The following RBFOX1 variants were observed in gnomAD, a reference collection of about 807,000 sequenced individuals.
RBFOX1 encodes the protein RNA binding protein fox-1 homolog 1.
RBFOX1 carries 8 observed loss-of-function variants against 57.7 expected under a neutral mutation model. The ratio of observed to expected loss-of-function variants is 0.14; its 90% CI spans 0.08 to 0.25. The LOEUF is 0.25. Ranked by LOEUF, RBFOX1 falls within the 10% of genes least tolerant of loss-of-function variation. The pLI is 1.00. For missense variants in RBFOX1, 611 were observed against 548.5 expected, an observed-to-expected ratio of 1.11 and a Z score of -1.14; for synonymous variants, 326 against 222.4, an observed-to-expected ratio of 1.47 and a Z score of -4.15.
chr16:7,132,427 TACACAG>T (rs1461804808), intron 4 of RBFOX1, among the ~76,000 whole-genome samples: 3 of 128,288 alleles, frequency 2.3e-5, no homozygotes, highest in Non-Finnish European at 4.8e-5. Context: ...GAAATTGTGA[TACACAG>T]ACACACACAC....
At chr16:5,258,983 C>T (rs1274352824) in intron 1 of RBFOX1, among the ~76,000 whole-genome samples, 1 of 151,902 alleles carries the variant, frequency 6.6e-6, no homozygotes, top group African/African-American at 2.4e-5. Flanking sequence ...CTGGCCCCTG[C>T]TCCTTAATGT....
chr16:6,738,843 A>G (rs1463739703), intron 3 of RBFOX1, among the ~76,000 whole-genome samples: 2 of 152,198 alleles, frequency 1.3e-5, no homozygotes, highest in South Asian at 2.1e-4. Context: ...ACAGGAAAAA[A>G]TCCCAAACAC....
chr16:5,477,396 A>G (rs949894087), intron 2 of RBFOX1, among the ~76,000 whole-genome samples: 1 of 152,186 alleles, frequency 6.6e-6, no homozygotes, highest in Non-Finnish European at 1.5e-5. Flanking sequence ...CTCACGACCA[A>G]TCAAATACCC....
intron 3 of RBFOX1, among the ~76,000 whole-genome samples, chr16:5,799,250 C>T (rs945887225): frequency 6.6e-6 from 1 of 152,032 alleles, no homozygotes; most frequent in Non-Finnish European, 1.5e-5. Flanking sequence ...GGGGAAACTG[C>T]CCCCATGACT....
chr16:5,322,851 C>A (rs1193032160), intron 1 of RBFOX1, among the ~76,000 whole-genome samples: 1 of 152,216 alleles, frequency 6.6e-6, no homozygotes, highest in Non-Finnish European at 1.5e-5. Context: ...CTTAGCAGAG[C>A]AGTAATCACT....
At chr16:7,151,453 C>T (rs907949917) in intron 4 of RBFOX1, among the ~76,000 whole-genome samples, 4 of 152,100 alleles carry the variant, frequency 2.6e-5, no homozygotes, top group African/African-American at 2.4e-5. Context: ...GTTCGTCATC[C>T]TTCAACTCCC....
chr16:5,717,046 G>C (rs17433511), intron 3 of RBFOX1, among the ~76,000 whole-genome samples: 82,106 of 151,588 alleles, frequency 0.54, 25,769 homozygotes, highest in Non-Finnish European at 0.72. Flanking sequence ...GATTTCCCCT[G>C]TATTTTCCTG....
chr16:7,210,163 T>C (rs928655087), intron 4 of RBFOX1, among the ~76,000 whole-genome samples: 2 of 152,174 alleles, frequency 1.3e-5, no homozygotes, highest in African/African-American at 4.8e-5. Context: ...ATGATGACAA[T>C]GATTTTATCA....
chr16:7,185,089 A>G (rs766013403), intron 4 of RBFOX1, among the ~76,000 whole-genome samples: 2 of 152,178 alleles, frequency 1.3e-5, no homozygotes, highest in Non-Finnish European at 2.9e-5. Context: ...TCCATACAAT[A>G]TATCTATTTA....
intron 4 of RBFOX1, among the ~76,000 whole-genome samples, chr16:7,055,612 TC>T (rs1222743076): frequency 1.3e-5 from 2 of 152,140 alleles, no homozygotes; most frequent in Non-Finnish European, 2.9e-5. Flanking sequence ...GTCACTGCAG[TC>T]GTTTTCTTAG....
intron 3 of RBFOX1, among the ~76,000 whole-genome samples, chr16:5,620,418 G>C (rs982618150): frequency 1.3e-5 from 2 of 152,116 alleles, no homozygotes; most frequent in African/African-American, 4.8e-5. Context: ...TGCGTTGGTT[G>C]GCTGGGGCTG....
At chr16:7,687,781 C>G (rs2076379446) in intron 14 of RBFOX1, among the ~76,000 whole-genome samples, 1 of 151,948 alleles carries the variant, frequency 6.6e-6, no homozygotes. Flanking sequence ...AAAATCAACA[C>G]TAGTGCAATT....
At chr16:5,804,288 C>T (rs139982883) in intron 3 of RBFOX1, among the ~76,000 whole-genome samples, 143 of 152,218 alleles carry the variant, frequency 9.4e-4, no homozygotes, top group African/African-American at 3.0e-3. Flanking sequence ...TTCATACATT[C>T]ATATGTGAAT....
chr16:5,648,851 G>A (rs144639921), intron 3 of RBFOX1, among the ~76,000 whole-genome samples: 4 of 152,074 alleles, frequency 2.6e-5, no homozygotes, highest in East Asian at 3.9e-4. Flanking sequence ...ATCACTTGAG[G>A]TCAGGAGTTT....
intron 1 of RBFOX1, among the ~76,000 whole-genome samples, chr16:6,107,880 C>T (rs2096401404): frequency 6.6e-6 from 1 of 152,104 alleles, no homozygotes; most frequent in Non-Finnish European, 1.5e-5. Context: ...ATTTATGCTT[C>T]CACCAGTTTC....
intron 2 of RBFOX1, among the ~76,000 whole-genome samples, chr16:6,486,109 G>A (rs3095263): frequency 0.38 from 25,344 of 65,858 alleles, 3,364 homozygotes; most frequent in Non-Finnish European, 0.44. Context: ...TTTTTTTTTG[G>A]CATTGATTGC....
chr16:6,697,910 A>G (rs1275865597), intron 3 of RBFOX1, among the ~76,000 whole-genome samples: 1 of 152,198 alleles, frequency 6.6e-6, no homozygotes, highest in Non-Finnish European at 1.5e-5. Flanking sequence ...CCAGAAGACC[A>G]AAAGTCTCTT....
intron 1 of RBFOX1, among the ~76,000 whole-genome samples, chr16:6,064,987 C>T (rs925794301): frequency 2.6e-5 from 4 of 151,750 alleles, no homozygotes; most frequent in East Asian, 1.9e-4. Context: ...AACCTCCCTA[C>T]GTGACTGTTT....
chr16:7,226,281 A>C (rs910303568), intron 4 of RBFOX1, among the ~76,000 whole-genome samples: 3 of 152,210 alleles, frequency 2.0e-5, no homozygotes, highest in African/African-American at 7.2e-5. Flanking sequence ...CAGGCCTCTC[A>C]TGAACTACAA....
Sources: gnomAD v4.1 joint callset for allele counts (sites outside exome capture counted in the v4.1 genomes callset) on GRCh38, gnomAD v4.1.1 for gene constraint, MANE v1.5 for transcripts, NCBI Gene and HGNC (gene_info 2026-07-23, HGNC 2026-07-21) for gene names.